The following NRXN1 variants were observed in gnomAD, a reference collection of about 807,000 sequenced individuals.
NRXN1 encodes the protein neurexin-1.
In NRXN1, 39 loss-of-function variants were observed where a neutral mutation model predicts 150.9. The ratio of observed to expected loss-of-function variants is 0.26; its 90% CI spans 0.20 to 0.34. NRXN1 has a LOEUF of 0.34. NRXN1 is among the 10% of genes least tolerant of loss of function. The pLI, the probability that NRXN1 is intolerant of heterozygous loss-of-function variation, is 1.00. For missense variants in NRXN1, 1,815 were observed against 1,949.9 expected, an observed-to-expected ratio of 0.93 and a Z score of 1.30; for synonymous variants, 924 against 757.0, an observed-to-expected ratio of 1.22 and a Z score of -3.62.
chr2:50,097,605 C>G (rs1700404397), intron 18 of NRXN1, among the ~76,000 whole-genome samples: 1 of 152,038 alleles, frequency 6.6e-6, no homozygotes, highest in African/African-American at 2.4e-5. Context: ...CACCTAAAAA[C>G]AAACACACTC....
intron 5 of NRXN1, among the ~76,000 whole-genome samples, chr2:50,893,319 A>C (rs1681375340): frequency 6.6e-6 from 1 of 152,182 alleles, no homozygotes; most frequent in South Asian, 2.1e-4. Context: ...ATGCCACAAA[A>C]GGACAGACAA....
At chr2:50,828,792 C>A (rs1158686310) in intron 5 of NRXN1, among the ~76,000 whole-genome samples, 1 of 152,074 alleles carries the variant, frequency 6.6e-6, no homozygotes, top group Non-Finnish European at 1.5e-5. Context: ...CGATAGGCGG[C>A]CAGGCAGAGA....
intron 19 of NRXN1, among the ~76,000 whole-genome samples, chr2:50,085,213 G>GA (rs920628219): frequency 2.6e-5 from 4 of 151,734 alleles, no homozygotes; most frequent in South Asian, 2.1e-4. Flanking sequence ...AAAACCACCA[G>GA]AAAAAAAATG....
At chr2:50,538,666 C>A (rs201889326) in intron 9 of NRXN1, 30 bp from the exon 10 acceptor site, 9 of 1,426,834 alleles carry the variant, frequency 6.3e-6, no homozygotes, top group Non-Finnish European at 7.4e-6. Context: ...ATGCACAGGT[C>A]TTTAAAAAGC....
intron 18 of NRXN1, among the ~76,000 whole-genome samples, chr2:50,166,549 G>T (rs2059701478): frequency 6.6e-6 from 1 of 152,066 alleles, no homozygotes; most frequent in African/African-American, 2.4e-5. Flanking sequence ...AGAGAAGCAA[G>T]TTGAGCTCCC....
At chr2:50,240,513 T>C (rs567297194) in intron 17 of NRXN1, among the ~76,000 whole-genome samples, 1 of 151,714 alleles carries the variant, frequency 6.6e-6, no homozygotes, top group Non-Finnish European at 1.5e-5. Flanking sequence ...AAAATTACTC[T>C]CATAATCAAA....
chr2:49,976,515 C>T (rs1679017738), intron 21 of NRXN1, among the ~76,000 whole-genome samples: 1 of 151,842 alleles, frequency 6.6e-6, no homozygotes, highest in Non-Finnish European at 1.5e-5. Context: ...ATAATGTTAT[C>T]GATGTTCATG....
At chr2:50,768,529 A>G (rs1470108487) in intron 5 of NRXN1, among the ~76,000 whole-genome samples, 1 of 151,702 alleles carries the variant, frequency 6.6e-6, no homozygotes, top group South Asian at 2.1e-4. Context: ...CTGGTCCTGA[A>G]CTCCTGAGCT....
intron 8 of NRXN1, among the ~76,000 whole-genome samples, chr2:50,609,639 G>A (rs979307087): frequency 2.8e-4 from 42 of 152,092 alleles, no homozygotes; most frequent in African/African-American, 9.9e-4. Context: ...GAATCTGGGA[G>A]TGTCTGATTC....
rs114765435 is a variant in NRXN1 at position 50,558,306 on chromosome 2, T to C, written c.1321-5281A>G. On this transcript the variant is annotated intron_variant, in intron 8 of 22. Transcript: ENST00000401669. ...ATGATCATGTCTAATCCTGTTTGAA[T>C]ACCTAATGACCTTAACCTCAAACTT... is the stretch of plus-strand genomic sequence containing the variant. 3.7e-3 allele frequency among the ~76,000 whole-genome samples: 566 copies of C among 152,336 alleles called. 4 individuals are homozygous for C. Among genetic ancestry groups the C allele is most frequent in the African/African-American group, 0.012 (507 of 41,570 alleles).
chr2:50,645,662 C>T (rs1000293092), intron 5 of NRXN1, among the ~76,000 whole-genome samples: 17 of 151,906 alleles, frequency 1.1e-4, no homozygotes, highest in Non-Finnish European at 4.4e-5. Context: ...ACTTAATTCA[C>T]AATTTTAACA....
chr2:50,299,228 G>A (rs1238502206), intron 17 of NRXN1, among the ~76,000 whole-genome samples: 1 of 152,012 alleles, frequency 6.6e-6, no homozygotes, highest in African/African-American at 2.4e-5. Flanking sequence ...TATATGGCAG[G>A]AGAACTGAAT....
chr2:49,963,908 A>G (rs1038920892), intron 21 of NRXN1, among the ~76,000 whole-genome samples: 5 of 152,234 alleles, frequency 3.3e-5, no homozygotes, highest in African/African-American at 7.2e-5. Context: ...TGAATCGGTC[A>G]TATGTCCCAG....
chr2:50,511,319 T>C (rs888549398), intron 12 of NRXN1, among the ~76,000 whole-genome samples: 3 of 152,168 alleles, frequency 2.0e-5, no homozygotes, highest in African/African-American at 7.2e-5. Flanking sequence ...CCTACCAAAG[T>C]GCTGGAATTA....
At chr2:51,031,646 T>C (rs1671572346) in intron 1 of NRXN1, among the ~76,000 whole-genome samples, 3 of 152,140 alleles carry the variant, frequency 2.0e-5, no homozygotes. Context: ...AAATTAACGA[T>C]GGGCACAGTG....
At chr2:50,042,699 G>A (rs375443426) in intron 21 of NRXN1, among the ~76,000 whole-genome samples, 1 of 109,890 alleles carries the variant, frequency 9.1e-6, no homozygotes, top group Non-Finnish European at 2.0e-5. Context: ...CACACATTAA[G>A]ACAAAGGTCT....
intron 21 of NRXN1, among the ~76,000 whole-genome samples, chr2:50,018,849 T>C (rs553296142): frequency 1.3e-4 from 20 of 152,332 alleles, no homozygotes; most frequent in South Asian, 8.3e-4. Context: ...TAATGCAATA[T>C]AACAAGAGAA....
At chr2:50,093,933 T>C (rs571736224) in intron 18 of NRXN1, among the ~76,000 whole-genome samples, 3 of 152,222 alleles carry the variant, frequency 2.0e-5, no homozygotes, top group African/African-American at 4.8e-5. Flanking sequence ...AGTTTAGGAC[T>C]GTTGTGCCAT....
intron 17 of NRXN1, among the ~76,000 whole-genome samples, chr2:50,342,496 G>C (rs2077620417): frequency 6.6e-6 from 1 of 152,088 alleles, no homozygotes; most frequent in African/African-American, 2.4e-5. Flanking sequence ...TATTGTCAAA[G>C]GTTTTGCTAG....
Sources: gnomAD v4.1 joint callset for allele counts (sites outside exome capture counted in the v4.1 genomes callset) on GRCh38, gnomAD v4.1.1 for gene constraint, MANE v1.5 for transcripts, NCBI Gene and HGNC (gene_info 2026-07-23, HGNC 2026-07-21) for gene names.